The following B3GAT2 variants were observed in gnomAD, a reference collection of about 807,000 sequenced individuals.
B3GAT2 encodes the protein galactosylgalactosylxylosylprotein 3-beta-glucuronosyltransferase 2.
B3GAT2 carries 26 observed loss-of-function variants against 27.8 expected under a neutral mutation model. That is an observed-to-expected ratio of 0.93 (90% CI 0.68 to 1.30). B3GAT2 has a LOEUF of 1.30. B3GAT2 is among the 50% of genes most tolerant of loss of function. The pLI, the probability that B3GAT2 is intolerant of heterozygous loss-of-function variation, is 0.00. For missense variants in B3GAT2, 458 were observed against 459.0 expected (o/e 1.00, Z 0.02); for synonymous variants, 218 against 195.1 (o/e 1.12, Z -0.98).
intron 2 of B3GAT2, among the ~76,000 whole-genome samples, chr6:70,877,757 A>G (rs931334166): frequency 6.6e-6 from 1 of 152,158 alleles, no homozygotes; most frequent in Non-Finnish European, 1.5e-5. Context: ...TGGGTAAAAC[A>G]CACTGTCCTA....
At chr6:70,926,137 C>T (rs1772952887) in intron 1 of B3GAT2, among the ~76,000 whole-genome samples, 1 of 152,126 alleles carries the variant, frequency 6.6e-6, no homozygotes, top group South Asian at 2.1e-4. Flanking sequence ...TCAACATCAA[C>T]AAAAAGGACA....
chr6:70,932,908 C>T (rs1773082517), intron 1 of B3GAT2, among the ~76,000 whole-genome samples: 1 of 152,100 alleles, frequency 6.6e-6, no homozygotes, highest in South Asian at 2.1e-4. Context: ...CTCAAACAAT[C>T]CTCCCACCTC....
At chr6:70,897,672 T>A (rs200069942) in intron 1 of B3GAT2, among the ~76,000 whole-genome samples, 1,347 of 30,708 alleles carry the variant, frequency 0.044, 7 homozygotes, top group Middle Eastern at 0.12. Flanking sequence ...AAAAAAAAAA[T>A]ATATATATAT....
In B3GAT2 at chr6:70,859,619, G is replaced by C. The variant is rs1771613809; in HGVS notation, c.*2044C>G. ...CTTATCACCAATTTTGGAAGTAAGA[G>C]AATCACAGGGTTAAGATGCTTATAT... On this transcript the variant is annotated 3_prime_UTR_variant, in exon 4 of 4. Transcript: ENST00000230053. 1 of 381,770 alleles carries C rather than the reference G, an allele frequency of 2.6e-6. No homozygotes were observed. Among genetic ancestry groups the C allele is most frequent in the Admixed American group, 4.3e-5 (1 of 23,250 alleles). The allele number at this position is 381,770 out of a possible 1,614,324, so 23.6% of individuals were successfully genotyped here. A position where few individuals can be genotyped will look rare whatever the true frequency, so the allele number is the denominator to read the frequency against.
intron 1 of B3GAT2, among the ~76,000 whole-genome samples, chr6:70,928,276 T>A (rs1303452723): frequency 6.6e-6 from 1 of 151,546 alleles, no homozygotes; most frequent in African/African-American, 2.4e-5. Flanking sequence ...TTAAAAGAAC[T>A]GGAGAAGCCA....
intron 2 of B3GAT2, among the ~76,000 whole-genome samples, chr6:70,880,159 C>A (rs374279074): frequency 6.6e-6 from 1 of 152,080 alleles, no homozygotes. Context: ...ACCGGACCGA[C>A]TGTGAAGCTT....
intron 1 of B3GAT2, among the ~76,000 whole-genome samples, chr6:70,929,130 T>A (rs1773016813): frequency 6.6e-6 from 1 of 151,862 alleles, no homozygotes; most frequent in African/African-American, 2.4e-5. Flanking sequence ...AAACACCGCA[T>A]GTTCTCACTC....
chr6:70,952,017 A>C (rs1464610506), intron 1 of B3GAT2, among the ~76,000 whole-genome samples: 2 of 152,180 alleles, frequency 1.3e-5, no homozygotes, highest in African/African-American at 2.4e-5. Context: ...GGAAAGGGCC[A>C]AACATTGTAA....
At chr6:70,886,408 G>A (rs1471784846) in intron 2 of B3GAT2, among the ~76,000 whole-genome samples, 1 of 152,224 alleles carries the variant, frequency 6.6e-6, no homozygotes, top group Non-Finnish European at 1.5e-5. Flanking sequence ...TAATTATTGA[G>A]TCTGCTGGAC....
In B3GAT2 at chr6:70,856,866, C is replaced by A; in HGVS notation, c.*4797G>T. 1.9e-6 allele frequency: 3 copies of A among 1,610,760 alleles called. No individual in the cohort carries two copies. Among genetic ancestry groups the A allele is most frequent in the Non-Finnish European group, 2.5e-6 (3 of 1,178,084 alleles). ...TTTTGGTGTTTGTCTCAGGGGACAC[C>A]CTCTGCACCAGCAGCTGCAACCCTG... On this transcript the variant is annotated 3_prime_UTR_variant, in exon 4 of 4. Transcript: ENST00000230053.
intron 2 of B3GAT2, among the ~76,000 whole-genome samples, chr6:70,863,907 C>T (rs1771806675): frequency 6.6e-6 from 1 of 151,994 alleles, no homozygotes; most frequent in Non-Finnish European, 1.5e-5. Context: ...AAGTCCACAG[C>T]CTTCCTTAGA....
chr6:70,951,116 T>C (rs959349365), intron 1 of B3GAT2, among the ~76,000 whole-genome samples: 2 of 152,172 alleles, frequency 1.3e-5, no homozygotes, highest in Admixed American at 1.3e-4. Flanking sequence ...TATATATGTG[T>C]TAACTTACAC....
intron 1 of B3GAT2, among the ~76,000 whole-genome samples, chr6:70,915,819 T>C (rs1016329054): frequency 1.3e-5 from 2 of 152,160 alleles, no homozygotes; most frequent in African/African-American, 4.8e-5. Flanking sequence ...TGTAGTGTAG[T>C]TTGAAGTCAG....
intron 1 of B3GAT2, among the ~76,000 whole-genome samples, chr6:70,898,887 C>T (rs370518607): frequency 8.6e-5 from 13 of 151,782 alleles, no homozygotes; most frequent in East Asian, 3.9e-4. Context: ...TGCTTGAGCC[C>T]GGGAAGTAGA....
intron 1 of B3GAT2, 139 bp downstream of exon 1, chr6:70,955,700 C>T (rs1161148250): frequency 1.9e-6 from 2 of 1,069,440 alleles, no homozygotes; most frequent in Non-Finnish European, 2.6e-6. Context: ...AGCGGCTCCA[C>T]TCGGTGCCCC....
At chr6:70,923,442 TGAG>T (rs1463609542) in intron 1 of B3GAT2, among the ~76,000 whole-genome samples, 1 of 152,186 alleles carries the variant, frequency 6.6e-6, no homozygotes, top group Non-Finnish European at 1.5e-5. Context: ...TTTGGGAGGC[TGAG>T]GTGTCAGAAT....
At chr6:70,903,082 T>C (rs1772535109) in intron 1 of B3GAT2, among the ~76,000 whole-genome samples, 1 of 152,088 alleles carries the variant, frequency 6.6e-6, no homozygotes, top group African/African-American at 2.4e-5. Flanking sequence ...TATTCCACAA[T>C]GTATACATGT....
At chr6:70,919,623 CTT>C (rs1398199702) in intron 1 of B3GAT2, among the ~76,000 whole-genome samples, 1 of 151,652 alleles carries the variant, frequency 6.6e-6, no homozygotes, top group African/African-American at 2.4e-5. Context: ...TGCTATTCCT[CTT>C]TGTTAGTTTT....
intron 1 of B3GAT2, among the ~76,000 whole-genome samples, chr6:70,934,291 GC>G (rs1773105567): frequency 6.6e-6 from 1 of 152,150 alleles, no homozygotes; most frequent in Non-Finnish European, 1.5e-5. Flanking sequence ...TACGGCATAA[GC>G]TTTCCTAAAA....
Sources: gnomAD v4.1 joint callset for allele counts (sites outside exome capture counted in the v4.1 genomes callset) on GRCh38, gnomAD v4.1.1 for gene constraint, MANE v1.5 for transcripts, NCBI Gene and HGNC (gene_info 2026-07-23, HGNC 2026-07-21) for gene names.